The following SLC48A1 variants were observed in gnomAD, a reference collection of about 807,000 sequenced individuals.
The protein encoded by SLC48A1 is heme transporter HRG1.
A neutral mutation model predicts 14.8 loss-of-function variants in SLC48A1; 6 were observed. That is an observed-to-expected ratio of 0.41 (90% confidence interval 0.22 to 0.80). The LOEUF (loss-of-function observed/expected upper bound fraction) is 0.80, where lower values mean the gene tolerates loss of function less well. SLC48A1 is among the 30% of genes least tolerant of loss of function. SLC48A1 has a pLI of 0.34. For missense variants in SLC48A1, 165 were observed against 204.8 expected (o/e 0.81, Z 1.19); for synonymous variants, 89 against 90.0 (o/e 0.99, Z 0.06).
At position 47,780,537 on chromosome 12, in the gene SLC48A1, G is replaced by T. The variant is rs1347360811; in HGVS notation, c.*256G>T. On this transcript the variant is annotated 3_prime_UTR_variant, in exon 3 of 3. Transcript: ENST00000442218. ...AGGGCAGCTTTAGACCTTTTCAAAT[G>T]AATCTGTTTTCTTTTCTTTCTTTTT... is the stretch of plus-strand genomic sequence containing the variant. 8.4e-6 allele frequency: 6 copies of T among 713,294 alleles called. No homozygotes were observed. The highest frequency in any genetic ancestry group is 2.8e-5 in the East Asian group (1 of 35,444). 44.2% of individuals were successfully genotyped at this position (713,294 alleles called of 1,614,324 possible).
intron 1 of SLC48A1, among the ~76,000 whole-genome samples, chr12:47,776,033 CTA>C (rs1285716602): frequency 1.3e-5 from 2 of 152,186 alleles, no homozygotes; most frequent in Non-Finnish European, 2.9e-5. Context: ...CTAAACAGCT[CTA>C]TGTTTTTCCC....
In SLC48A1 at chr12:47,780,468, TAG is replaced by T. The variant is rs760975976; in HGVS notation, c.*192_*193del. On this transcript the variant is annotated 3_prime_UTR_variant, in exon 3 of 3. Coordinates refer to ENST00000442218, the MANE Select transcript of SLC48A1 (RefSeq NM_017842.3). The stretch of plus-strand genomic sequence containing the variant: ...CCCTTTCGAGGAAACCTGAGTGTGG[TAG>T]AGAGGGGATCCTGCCATGTTGCTCC... The T allele has an allele frequency of 8.9e-6, 8 of 895,970 alleles. No homozygotes were observed. Among genetic ancestry groups the T allele is most frequent in the Admixed American group, 1.7e-5 (1 of 59,054 alleles). The allele number at this position is 895,970 out of a possible 1,614,324, so 55.5% of individuals were successfully genotyped here.
chr12:47,767,100 A>G (rs1205818913), upstream of SLC48A1, among the ~76,000 whole-genome samples: 1 of 149,376 alleles, frequency 6.7e-6, no homozygotes, highest in African/African-American at 2.4e-5. Context: ...GGTGGGGTAG[A>G]ATGGGGAGAG....
chr12:47,758,124 G>A (rs1412045759), upstream of SLC48A1: 1 of 1,531,406 alleles, frequency 6.5e-7, no homozygotes, highest in Non-Finnish European at 8.8e-7. Context: ...CACGACTGGG[G>A]CGGCTGGGCC....
upstream of SLC48A1, chr12:47,758,368 C>T: frequency 2.0e-6 from 3 of 1,480,412 alleles, no homozygotes; most frequent in Middle Eastern, 3.6e-4. Flanking sequence ...GGGATCTCCA[C>T]TACCTCCCAG....
intron 2 of SLC48A1, among the ~76,000 whole-genome samples, chr12:47,766,211 C>G (rs1942512581): frequency 6.6e-6 from 1 of 152,206 alleles, no homozygotes; most frequent in African/African-American, 2.4e-5. Flanking sequence ...GTGACTTTCT[C>G]ATTCAGTAAA....
upstream of SLC48A1, among the ~76,000 whole-genome samples, chr12:47,766,660 C>G (rs535816800): frequency 3.2e-3 from 481 of 152,302 alleles, 1 homozygote; most frequent in African/African-American, 0.011. Context: ...TCCCCTCCCC[C>G]TGACCCCCCA....
intron 2 of SLC48A1, chr12:47,760,500 CT>C (rs1416821546): frequency 2.8e-6 from 2 of 724,270 alleles, no homozygotes; most frequent in African/African-American, 3.9e-5. Context: ...CTTCCTGAGA[CT>C]GGCAGTTGGG....
At position 47,777,897 on chromosome 12, in the gene SLC48A1, A is replaced by G. The variant is rs1307684285; in HGVS notation, c.137-1131A>G. The stretch of plus-strand genomic sequence containing the variant: ...TTGCCAGAGATAACCACTTTCCCCA[A>G]CCAGATGCTTATCCTTCCTGTGCAC... On this transcript the variant is annotated intron_variant, in intron 1 of 2. Coordinates refer to ENST00000442218, the MANE Select transcript of SLC48A1 (RefSeq NM_017842.3). The surrounding 1 kb of genome is among the most constrained non-coding windows in gnomAD (Gnocchi z 4.5). Among the ~76,000 whole-genome samples the G allele has an allele frequency of 1.3e-5, 2 of 152,002 alleles. No individual in the cohort carries two copies. The highest frequency in any genetic ancestry group is 2.4e-5 in the African/African-American group (1 of 41,360).
At chr12:47,778,875 A>C (rs1942804778) in intron 1 of SLC48A1, 153 bp from the exon 2 acceptor site, 1 of 856,556 alleles carries the variant, frequency 1.2e-6, no homozygotes. Flanking sequence ...CCTGCTTCTG[A>C]TATCACAGCC....
At chr12:47,774,661 A>C (rs1275523484) in intron 1 of SLC48A1, among the ~76,000 whole-genome samples, 1 of 152,114 alleles carries the variant, frequency 6.6e-6, no homozygotes, top group Admixed American at 6.5e-5. Flanking sequence ...AGGTGGGGTT[A>C]ATGCCTTAGA....
chr12:47,759,113 A>C, intron 1 of SLC48A1: 5 of 900,604 alleles, frequency 5.6e-6, no homozygotes, highest in Non-Finnish European at 6.6e-6. Flanking sequence ...AAGTGTGTGG[A>C]GGAGGCCGCA....
chr12:47,772,663 T>G (rs1179554769), upstream of SLC48A1, among the ~76,000 whole-genome samples: 2 of 148,010 alleles, frequency 1.4e-5, no homozygotes, highest in African/African-American at 2.5e-5. Flanking sequence ...GGCAACAGAG[T>G]GAGACTCTGT....
chr12:47,772,215 G>A (rs1942641821), upstream of SLC48A1: 2 of 154,834 alleles, frequency 1.3e-5, no homozygotes, highest in East Asian at 3.8e-4. Context: ...CTGTGGCAGA[G>A]CCCTTGTTAT....
upstream of SLC48A1, chr12:47,758,497 CT>C: frequency 1.3e-6 from 2 of 1,599,262 alleles, no homozygotes; most frequent in Non-Finnish European, 1.7e-6. Context: ...ACCGTGTCAG[CT>C]TCCTCTCCCG....
rs1942902522 is a variant in SLC48A1 at position 47,782,315 on chromosome 12, A to G, written c.*2034A>G. ...CCTTCTACTGATAAACAGAGGCCCC[A>G]GAAGACGATTTGACTTACCTGAGCT... On this transcript the variant is annotated 3_prime_UTR_variant, in exon 3 of 3. Coordinates refer to ENST00000442218, the MANE Select transcript of SLC48A1 (RefSeq NM_017842.3). 2 of 152,264 alleles carry G rather than the reference A, an allele frequency of 1.3e-5. No individual in the cohort carries two copies. The highest frequency in any genetic ancestry group is 6.5e-5 in the Admixed American group (1 of 15,290). 9.4% of individuals were successfully genotyped at this position (152,264 alleles called of 1,614,324 possible). A position where few individuals can be genotyped will look rare whatever the true frequency, so the allele number is the denominator to read the frequency against.
chr12:47,775,259 C>T (rs917926890), intron 1 of SLC48A1, among the ~76,000 whole-genome samples: 1 of 152,144 alleles, frequency 6.6e-6, no homozygotes, highest in Non-Finnish European at 1.5e-5. Context: ...TAGGGAGTTG[C>T]CTGGGGTTTT....
In SLC48A1 at chr12:47,777,132, C is replaced by A. The variant is rs1942772048; in HGVS notation, c.137-1896C>A. 6.6e-6 allele frequency among the ~76,000 whole-genome samples: 1 copy of A among 152,184 alleles called. No homozygotes were observed. Among genetic ancestry groups the A allele is most frequent in the Non-Finnish European group, 1.5e-5 (1 of 68,032 alleles). On this transcript the variant is annotated intron_variant, in intron 1 of 2. Transcript: ENST00000442218. The surrounding 1 kb of genome is among the most constrained non-coding windows in gnomAD (Gnocchi z 4.5). ...GGACACATGTGAGGAGTGGGAGGGA[C>A]TTCTGTGAAAGGTGGCTGGTATAAA...
chr12:47,759,023 C>T, intron 1 of SLC48A1: 1 of 989,492 alleles, frequency 1.0e-6, no homozygotes, highest in Non-Finnish European at 1.2e-6. Flanking sequence ...CACTGGCAGG[C>T]TTTGGAGTCC....
Sources: allele counts gnomAD v4.1 joint callset (sites outside exome capture counted in the v4.1 genomes callset), GRCh38; gene constraint gnomAD v4.1.1; non-coding constraint Gnocchi (gnomAD v3.1); transcripts MANE v1.5; gene names NCBI Gene and HGNC (gene_info 2026-07-23, HGNC 2026-07-21).